The following SUPT4H1 variants were observed in gnomAD, a reference collection of about 807,000 sequenced individuals.
The protein encoded by SUPT4H1 is SPT4 homolog, DSIF elongation factor subunit, also known as transcription elongation factor SPT4.
In SUPT4H1, 12 loss-of-function variants were observed where a neutral mutation model predicts 19.4. The observed-to-expected ratio is 0.62, with a 90% CI of 0.40 to 1.00. The LOEUF (loss-of-function observed/expected upper bound fraction) is 1.00, where lower values mean the gene tolerates loss of function less well. Among genes scored for constraint, SUPT4H1 ranks in the 50% least tolerant of loss-of-function variants. The probability of loss-of-function intolerance (pLI) is 0.00; values close to 1 mark genes in which losing one functional copy is unlikely to be tolerated. For missense variants in SUPT4H1, 115 were observed against 149.2 expected (o/e 0.77, Z 1.19); for synonymous variants, 58 against 56.3 (o/e 1.03, Z -0.14).
chr17:58,351,271 A>ACC, intron 2 of SUPT4H1, 131 bp downstream of exon 2: 1 of 606,060 alleles, frequency 1.7e-6, no homozygotes, highest in Non-Finnish European at 2.9e-6. Context: ...AAAAAAAAAA[A>ACC]AAACCCACAC....
At chr17:58,347,609 G>C in intron 2 of SUPT4H1, 25 bp from the exon 3 acceptor site, 1 of 1,610,952 alleles carries the variant, frequency 6.2e-7, no homozygotes, top group Non-Finnish European at 8.5e-7. Context: ...GAAATGGAGA[G>C]TCAGCCTGAG....
chr17:58,348,498 C>G (rs963044755), intron 2 of SUPT4H1, among the ~76,000 whole-genome samples: 3 of 152,192 alleles, frequency 2.0e-5, no homozygotes, highest in African/African-American at 7.2e-5. Context: ...GCCCCCAGCC[C>G]TGCAGCCTGA....
At chr17:58,352,018 C>T in intron 1 of SUPT4H1, 49 bp downstream of exon 1, 3 of 1,604,424 alleles carry the variant, frequency 1.9e-6, no homozygotes, top group South Asian at 1.1e-5. Flanking sequence ...GCCCTCTTTC[C>T]CCGACCTTGG....
At position 58,346,117 on chromosome 17, in the gene SUPT4H1, CT is replaced by C; in HGVS notation, c.*128del. 1.4e-6 allele frequency: 1 copy of C among 738,114 alleles called. No individual in the cohort carries two copies. Among genetic ancestry groups the C allele is most frequent in the Non-Finnish European group, 2.4e-6 (1 of 421,886 alleles). 45.7% of individuals were successfully genotyped at this position (738,114 alleles called of 1,614,324 possible). ...TAAAATGATAAAATGATGTGCTGCT[CT>C]CTCAACAGTCAGCTGAGTCTGAATT... On this transcript the variant is annotated 3_prime_UTR_variant, in exon 5 of 5. Transcript: ENST00000225504.
In SUPT4H1 at chr17:58,345,468, A is replaced by C. The variant is rs1289796957; in HGVS notation, c.*778T>G. ...GAGGAGAAAAGGACCTACCTCCTAC[A>C]GGGGCACAAACAAGGGAGACTAGGA... On this transcript the variant is annotated 3_prime_UTR_variant, in exon 5 of 5. Coordinates refer to ENST00000225504, the MANE Select transcript of SUPT4H1 (RefSeq NM_003168.3). The C allele has an allele frequency of 6.6e-6, 1 of 152,078 alleles. No homozygotes were observed. Among genetic ancestry groups the C allele is most frequent in the African/African-American group, 2.4e-5 (1 of 41,416 alleles). The allele number at this position is 152,078 out of a possible 1,614,324, so 9.4% of individuals were successfully genotyped here.
Position 58,347,131 on chromosome 17 carries a change from A to C in SUPT4H1, c.286+57T>G. On this transcript the variant is annotated intron_variant, in intron 4 of 4. Transcript: ENST00000225504. ...TGAGAATTGGCATTAATTCAGATAA[A>C]AAAACTTCCACAGAGCTTTACAGTA... is the stretch of plus-strand genomic sequence containing the variant. 4 of 1,555,420 alleles carry C rather than the reference A, an allele frequency of 2.6e-6. No individual in the cohort carries two copies. The South Asian group carries it at 4.5e-5, about 18-fold the overall frequency.
chr17:58,350,836 CAAAAAAAAAAA>C (rs35040111), intron 2 of SUPT4H1, among the ~76,000 whole-genome samples: 7 of 81,906 alleles, frequency 8.5e-5, no homozygotes, highest in South Asian at 5.5e-4. Context: ...AAAGTCTGTC[CAAAAAAAAAAA>C]AAAAAAAAAA....
At chr17:58,351,598 C>A in intron 1 of SUPT4H1, 90 bp from the exon 2 acceptor site, 1 of 866,460 alleles carries the variant, frequency 1.2e-6, no homozygotes, top group South Asian at 1.5e-5. Flanking sequence ...TCGACCTGCT[C>A]AATTTCTTGT....
intron 2 of SUPT4H1, among the ~76,000 whole-genome samples, chr17:58,350,830 T>C (rs1406841320): frequency 4.6e-5 from 5 of 108,936 alleles, no homozygotes; most frequent in African/African-American, 1.7e-4. Context: ...GGGCGAAAAG[T>C]CTGTCCAAAA....
chr17:58,347,164 A>AT, intron 4 of SUPT4H1, 24 bp downstream of exon 4: 1 of 1,610,664 alleles, frequency 6.2e-7, no homozygotes, highest in Non-Finnish European at 8.5e-7. Flanking sequence ...GTAAATGAAC[A>AT]TTGGCTGTTA....
rs1242403991 is a variant in SUPT4H1 at position 58,345,618 on chromosome 17, AG to A, written c.*627del. On this transcript the variant is annotated 3_prime_UTR_variant, in exon 5 of 5. Transcript: ENST00000225504. ...AGGGAAGAATTATTAAACATGGTCA[AG>A]GAGCACTCTACAAAGCCTCAGGATT... 1 of 152,402 alleles carries A rather than the reference AG, an allele frequency of 6.6e-6. No homozygotes were observed. Among genetic ancestry groups the A allele is most frequent in the Non-Finnish European group, 1.5e-5 (1 of 68,290 alleles). The allele number at this position is 152,402 out of a possible 1,614,324, so 9.4% of individuals were successfully genotyped here.
chr17:58,351,925 G>T, intron 1 of SUPT4H1, 142 bp downstream of exon 1: 1 of 824,256 alleles, frequency 1.2e-6, no homozygotes, highest in Non-Finnish European at 1.9e-6. Flanking sequence ...GTAAACGATG[G>T]CCTCCTTCGG....
At position 58,345,920 on chromosome 17, in the gene SUPT4H1, T is replaced by C; in HGVS notation, c.*326A>G. The C allele has an allele frequency of 4.0e-6, 1 of 250,616 alleles. No individual in the cohort carries two copies. The highest frequency in any genetic ancestry group is 4.9e-5 in the South Asian group (1 of 20,346). The allele number at this position is 250,616 out of a possible 1,614,324, so 15.5% of individuals were successfully genotyped here. Reference sequence around the variant, plus strand: ...GGAGGCAAGGCAGGTGTCATGGCCTTCAGAACTTTCTCGAGGTTCATATTT... The same window carrying C: ...GGAGGCAAGGCAGGTGTCATGGCCTCCAGAACTTTCTCGAGGTTCATATTT... On this transcript the variant is annotated 3_prime_UTR_variant, in exon 5 of 5. Coordinates refer to ENST00000225504, the MANE Select transcript of SUPT4H1 (RefSeq NM_003168.3).
chr17:58,346,718 C>CA (rs33965188), intron 4 of SUPT4H1, among the ~76,000 whole-genome samples: 3,165 of 71,866 alleles, frequency 0.044, 183 homozygotes, highest in African/African-American at 0.11. Context: ...GACTCTGTCT[C>CA]AAAAAAAAAA....
chr17:58,350,534 T>C (rs1160198613), intron 2 of SUPT4H1, among the ~76,000 whole-genome samples: 1 of 149,608 alleles, frequency 6.7e-6, no homozygotes, highest in East Asian at 2.0e-4. Flanking sequence ...AATAAATAAA[T>C]AAGTAAAATG....
At chr17:58,348,286 A>C (rs1222861815) in intron 2 of SUPT4H1, among the ~76,000 whole-genome samples, 3 of 152,216 alleles carry the variant, frequency 2.0e-5, no homozygotes. Flanking sequence ...CAACGCATTC[A>C]ATCAAATGCT....
intron 2 of SUPT4H1, among the ~76,000 whole-genome samples, chr17:58,350,004 C>G (rs142577485): frequency 0.013 from 1,986 of 152,302 alleles, 28 homozygotes; most frequent in African/African-American, 0.045. Flanking sequence ...AAATGGCGAC[C>G]GGGCACAGTG....
At chr17:58,346,470 A>G (rs1972291824) in intron 4 of SUPT4H1, 157 bp from the exon 5 acceptor site, 3 of 618,370 alleles carry the variant, frequency 4.9e-6, no homozygotes, top group South Asian at 1.7e-5. Context: ...CATGCCTGCA[A>G]TCTCAGCACT....
At chr17:58,351,263 A>C in intron 2 of SUPT4H1, 139 bp downstream of exon 2, 1 of 600,402 alleles carries the variant, frequency 1.7e-6, no homozygotes, top group Non-Finnish European at 2.9e-6. Context: ...AAAAAAAAAA[A>C]AAAAAAAAAA....
Sources: gnomAD v4.1 joint callset for allele counts (sites outside exome capture counted in the v4.1 genomes callset) on GRCh38, gnomAD v4.1.1 for gene constraint, MANE v1.5 for transcripts, NCBI Gene and HGNC (gene_info 2026-07-23, HGNC 2026-07-21) for gene names.